Variants in TYW1 observed in about 807,000 individuals in gnomAD.
The protein encoded by TYW1 is tRNA-yW synthesizing protein 1 homolog, also known as S-adenosyl-L-methionine-dependent tRNA 4-demethylwyosine synthase TYW1.
In TYW1, 46 loss-of-function variants were observed where a neutral mutation model predicts 96.2. The ratio of observed to expected loss-of-function variants is 0.48; its 90% CI spans 0.38 to 0.61. The LOEUF (loss-of-function observed/expected upper bound fraction) is 0.61, where lower values mean the gene tolerates loss of function less well. Ranked by LOEUF, TYW1 falls within the 20% of genes least tolerant of loss-of-function variation. TYW1 has a pLI of 0.00. For missense variants in TYW1, 684 were observed against 909.6 expected, an observed-to-expected ratio of 0.75 and a Z score of 3.19; for synonymous variants, 274 against 323.0, an observed-to-expected ratio of 0.85 and a Z score of 1.63.
intron 3 of TYW1, among the ~76,000 whole-genome samples, chr7:67,009,083 C>T (rs1228903302): frequency 6.6e-6 from 1 of 152,152 alleles, no homozygotes; most frequent in Non-Finnish European, 1.5e-5. Context: ...GATCGTAGCT[C>T]ACTGTATCCT....
chr7:67,144,123 C>T (rs6962057), intron 13 of TYW1, among the ~76,000 whole-genome samples: 39,304 of 151,762 alleles, frequency 0.26, 5,520 homozygotes, highest in African/African-American at 0.38. Context: ...TCTAGGACTC[C>T]AAGGCCTAGA....
At chr7:67,222,856 C>T (rs1039378245) in intron 15 of TYW1, among the ~76,000 whole-genome samples, 26 of 128,726 alleles carry the variant, frequency 2.0e-4, no homozygotes, top group South Asian at 7.7e-4. Flanking sequence ...AATCTCTGTT[C>T]GCTTTTTTTC....
intron 13 of TYW1, among the ~76,000 whole-genome samples, chr7:67,181,001 AT>A (rs879837787): frequency 1.5e-3 from 222 of 145,894 alleles, no homozygotes; most frequent in Admixed American, 1.6e-3. Context: ...AATGTTGTGG[AT>A]TTTTTTTTTT....
At chr7:67,211,858 T>G (rs1801038638) in intron 15 of TYW1, among the ~76,000 whole-genome samples, 1 of 152,208 alleles carries the variant, frequency 6.6e-6, no homozygotes, top group Non-Finnish European at 1.5e-5. Context: ...ATGACTTAGG[T>G]CAGCGTCTTT....
chr7:67,045,249 A>C (rs1413973457), intron 7 of TYW1, among the ~76,000 whole-genome samples: 3 of 151,852 alleles, frequency 2.0e-5, no homozygotes, highest in Admixed American at 1.3e-4. Flanking sequence ...CTTGCTTTGT[A>C]ACCCATGCTA....
intron 7 of TYW1, among the ~76,000 whole-genome samples, chr7:67,028,081 C>CA (rs1178148500): frequency 2.1e-5 from 3 of 143,448 alleles, no homozygotes; most frequent in Non-Finnish European, 3.0e-5. Flanking sequence ...CTAAAAAATA[C>CA]AAAAAAAATA....
In TYW1 at chr7:67,224,112, A is replaced by C. The variant is rs111438627; in HGVS notation, c.1978-14196A>C. Reference sequence around the variant, plus strand: ...TTTCCTACAAGTTTCCTTTTAAACAAGTTGATACTTGTTTGTTTGTTTATT... The same window carrying C: ...TTTCCTACAAGTTTCCTTTTAAACACGTTGATACTTGTTTGTTTGTTTATT... On this transcript the variant is annotated intron_variant, in intron 15 of 15. Coordinates refer to ENST00000359626, the MANE Select transcript of TYW1 (RefSeq NM_018264.4). 2.0e-5 allele frequency among the ~76,000 whole-genome samples: 3 copies of C among 152,270 alleles called. No individual in the cohort carries two copies. The East Asian group carries it at 5.8e-4, about 29-fold the overall frequency.
chr7:67,209,082 T>G (rs1272839748), intron 15 of TYW1, among the ~76,000 whole-genome samples: 4 of 152,186 alleles, frequency 2.6e-5, no homozygotes, highest in Non-Finnish European at 5.9e-5. Flanking sequence ...TAAGTATGAC[T>G]TTCAGTGGCA....
intron 13 of TYW1, among the ~76,000 whole-genome samples, chr7:67,134,151 A>C (rs1424953319): frequency 6.6e-6 from 1 of 152,118 alleles, no homozygotes; most frequent in Non-Finnish European, 1.5e-5. Flanking sequence ...CATTTAGTAA[A>C]AATAGGATTA....
At chr7:67,093,652 GT>G (rs1307069299) in intron 11 of TYW1, among the ~76,000 whole-genome samples, 1 of 152,096 alleles carries the variant, frequency 6.6e-6, no homozygotes, top group Non-Finnish European at 1.5e-5. Context: ...TGAAAACCTT[GT>G]TTTACTTGAG....
chr7:67,012,075 C>A (rs1490658387), intron 4 of TYW1, among the ~76,000 whole-genome samples: 1 of 151,582 alleles, frequency 6.6e-6, no homozygotes, highest in African/African-American at 2.4e-5. Context: ...AGAGGCCAGG[C>A]GTGGTGGCTC....
chr7:67,027,439 G>T (rs1794487241), intron 7 of TYW1, among the ~76,000 whole-genome samples: 1 of 151,936 alleles, frequency 6.6e-6, no homozygotes, highest in Non-Finnish European at 1.5e-5. Context: ...GAATCAGATG[G>T]ATTATTGTAT....
intron 13 of TYW1, among the ~76,000 whole-genome samples, chr7:67,160,968 C>T (rs190440787): frequency 1.1e-3 from 167 of 152,262 alleles, no homozygotes; most frequent in Non-Finnish European, 1.7e-3. Flanking sequence ...ATTGAACCAG[C>T]ATCATTTGTT....
chr7:67,153,725 A>G (rs533345873), intron 13 of TYW1, among the ~76,000 whole-genome samples: 34 of 152,332 alleles, frequency 2.2e-4, no homozygotes, highest in African/African-American at 7.2e-4. Flanking sequence ...CTTTATTGAC[A>G]TGTTTAGTTT....
At chr7:67,017,804 C>T (rs549782538) in intron 5 of TYW1, 49 bp from the exon 6 acceptor site, 52 of 1,567,266 alleles carry the variant, frequency 3.3e-5, no homozygotes, top group Non-Finnish European at 4.2e-5. Flanking sequence ...GTCTGGAAAA[C>T]CCTGATTTAG....
In TYW1 at chr7:67,025,796, C is replaced by T. The variant is rs183360767; in HGVS notation, c.984+774C>T. Among the ~76,000 whole-genome samples, 499 of 151,952 alleles carry T rather than the reference C, an allele frequency of 3.3e-3. 3 individuals carry two copies. The highest frequency in any genetic ancestry group is 0.011 in the African/African-American group (463 of 41,422). ...TATACTATACTATAAAAATAACAGC[C>T]TCAATTTAACTGTGAGTTTTGGAAA... On this transcript the variant is annotated intron_variant, in intron 7 of 15. Transcript: ENST00000359626.
At chr7:67,087,935 C>G (rs1259247843) in intron 11 of TYW1, among the ~76,000 whole-genome samples, 1 of 152,152 alleles carries the variant, frequency 6.6e-6, no homozygotes, top group African/African-American at 2.4e-5. Flanking sequence ...ATGATCTTGG[C>G]TCACTGCAAC....
chr7:67,206,626 A>C (rs1387090917), intron 15 of TYW1, among the ~76,000 whole-genome samples: 1 of 61,348 alleles, frequency 1.6e-5, no homozygotes, highest in Admixed American at 1.8e-4. Context: ...CTCAAACATA[A>C]ATAAATAAAT....
chr7:67,152,116 G>C (rs1239226662), intron 13 of TYW1, among the ~76,000 whole-genome samples: 2 of 152,124 alleles, frequency 1.3e-5, no homozygotes, highest in South Asian at 4.1e-4. Flanking sequence ...TGGTCACCAT[G>C]ATTCTTGTTT....
Sources: gnomAD v4.1 joint callset for allele counts (sites outside exome capture counted in the v4.1 genomes callset) on GRCh38, gnomAD v4.1.1 for gene constraint, MANE v1.5 for transcripts, NCBI Gene and HGNC (gene_info 2026-07-23, HGNC 2026-07-21) for gene names.